Variants in CDH12 observed in about 807,000 individuals in gnomAD.
CDH12 encodes the protein cadherin 12, also known as cadherin-12.
In CDH12, 41 loss-of-function variants were observed where a neutral mutation model predicts 74.1. The ratio of observed to expected loss-of-function variants is 0.55; its 90% CI spans 0.43 to 0.72. The LOEUF is 0.72. CDH12 is among the 30% of genes least tolerant of loss of function. CDH12 has a pLI of 0.00. For synonymous variants in CDH12, 399 were observed against 355.0 expected (o/e 1.12, Z -1.39); for missense variants, 945 against 977.2 (o/e 0.97, Z 0.44).
intron 1 of CDH12, among the ~76,000 whole-genome samples, chr5:22,608,404 A>G (rs1737227435): frequency 6.6e-6 from 1 of 152,158 alleles, no homozygotes; most frequent in Admixed American, 6.5e-5. Context: ...GAACAGGTGC[A>G]TTTACCCAAT....
chr5:21,854,051 A>T (rs1277408018), intron 7 of CDH12, among the ~76,000 whole-genome samples: 1 of 151,726 alleles, frequency 6.6e-6, no homozygotes, highest in African/African-American at 2.4e-5. Context: ...AAAAGGAAAG[A>T]CAAAATATTC....
intron 2 of CDH12, among the ~76,000 whole-genome samples, chr5:22,447,728 A>G (rs1479258386): frequency 1.3e-5 from 2 of 152,116 alleles, no homozygotes; most frequent in East Asian, 3.9e-4. Flanking sequence ...TCAATTTCCC[A>G]TGTTGTAGTT....
At chr5:21,830,483 A>G (rs979256121) in intron 8 of CDH12, among the ~76,000 whole-genome samples, 12 of 152,170 alleles carry the variant, frequency 7.9e-5, no homozygotes, top group African/African-American at 2.7e-4. Context: ...AGCCAAACAG[A>G]GCCACTTTTG....
chr5:22,436,071 T>C (rs540779756), intron 2 of CDH12, among the ~76,000 whole-genome samples: 2 of 151,710 alleles, frequency 1.3e-5, no homozygotes, highest in African/African-American at 4.8e-5. Flanking sequence ...ATAAACACCA[T>C]GGAATACTAT....
chr5:22,664,550 G>A (rs1437733834), intron 1 of CDH12, among the ~76,000 whole-genome samples: 1 of 152,178 alleles, frequency 6.6e-6, no homozygotes, highest in Non-Finnish European at 1.5e-5. Context: ...TATGGGGATT[G>A]CAATTCAAGG....
chr5:21,781,849 G>A lies in CDH12; in HGVS notation c.1393+1509C>T, dbSNP rs148313156. 7.0e-4 allele frequency among the ~76,000 whole-genome samples: 107 copies of A among 152,154 alleles called. 2 individuals are homozygous for A. The East Asian group carries it at 0.019, about 27-fold the overall frequency. On this transcript the variant is annotated intron_variant, in intron 11 of 14. Transcript: ENST00000382254. ...AACTGGGAATCAGTAGCCCCACCCC[G>A]AAGGAATGAAAGTTCTGATTATGTC...
intron 6 of CDH12, among the ~76,000 whole-genome samples, chr5:21,868,538 C>T (rs1218320898): frequency 2.0e-5 from 3 of 152,162 alleles, no homozygotes; most frequent in Non-Finnish European, 2.9e-5. Context: ...ATTCTACCCC[C>T]ATGTGTGCAG....
At chr5:21,784,109 A>G (rs1288223488) in intron 10 of CDH12, among the ~76,000 whole-genome samples, 7 of 152,142 alleles carry the variant, frequency 4.6e-5, no homozygotes, top group Non-Finnish European at 4.4e-5. Context: ...GTGACTTTGG[A>G]TAATGATGTC....
intron 1 of CDH12, among the ~76,000 whole-genome samples, chr5:22,527,548 C>T (rs1408154947): frequency 6.6e-6 from 1 of 152,112 alleles, no homozygotes; most frequent in African/African-American, 2.4e-5. Context: ...GTAACCACAT[C>T]CACATTGACT....
chr5:22,796,771 C>T lies in CDH12; in HGVS notation c.-523+56287G>A, dbSNP rs1036914717. 1.1e-4 allele frequency among the ~76,000 whole-genome samples: 11 copies of T among 101,774 alleles called. 4 individuals are homozygous for T. The highest frequency in any genetic ancestry group is 5.6e-4 in the African/African-American group (11 of 19,782). 66.8% of individuals were successfully genotyped at this position (101,774 alleles called of 152,430 possible). A position where few individuals can be genotyped will look rare whatever the true frequency, so the allele number is the denominator to read the frequency against. On this transcript the variant is annotated intron_variant, in intron 1 of 14. Coordinates refer to ENST00000382254, the MANE Select transcript of CDH12 (RefSeq NM_004061.5). Reference sequence around the variant, plus strand: ...TCTTGACCTCGTGATCCGCCCGCCTCGGCCTCCCAAAGTGCTGGGATTACA... The same window carrying T: ...TCTTGACCTCGTGATCCGCCCGCCTTGGCCTCCCAAAGTGCTGGGATTACA...
intron 2 of CDH12, among the ~76,000 whole-genome samples, chr5:22,492,565 G>A (rs1402583660): frequency 2.6e-5 from 4 of 151,830 alleles, no homozygotes; most frequent in African/African-American, 7.3e-5. Flanking sequence ...CAGGCTGGTC[G>A]CAAACTCCTG....
At chr5:22,733,394 G>A (rs1358889277) in intron 1 of CDH12, among the ~76,000 whole-genome samples, 3 of 150,984 alleles carry the variant, frequency 2.0e-5, no homozygotes, top group Admixed American at 6.6e-5. Flanking sequence ...GCATTTATAT[G>A]AAGTGATCTT....
chr5:21,836,613 C>T (rs986525771), intron 8 of CDH12, among the ~76,000 whole-genome samples: 12 of 151,550 alleles, frequency 7.9e-5, no homozygotes, highest in Admixed American at 1.3e-4. Flanking sequence ...ACAGAAAAAG[C>T]GACCAACTGG....
At chr5:22,520,776 A>G (rs924270348) in intron 1 of CDH12, among the ~76,000 whole-genome samples, 5 of 152,262 alleles carry the variant, frequency 3.3e-5, no homozygotes, top group Non-Finnish European at 7.4e-5. Flanking sequence ...TTTGTATATA[A>G]CTACAAGTGT....
At chr5:22,282,141 T>G (rs530705248) in intron 3 of CDH12, among the ~76,000 whole-genome samples, 2 of 152,024 alleles carry the variant, frequency 1.3e-5, no homozygotes, top group African/African-American at 4.8e-5. Context: ...AAACAAGCAA[T>G]GGGGAAAGGA....
chr5:22,478,382 CCCT>C (rs1184505846), intron 2 of CDH12, among the ~76,000 whole-genome samples: 10 of 148,914 alleles, frequency 6.7e-5, no homozygotes, highest in Non-Finnish European at 1.5e-4. Flanking sequence ...CGCGCCACTG[CCCT>C]CCAGCCTGGG....
At chr5:21,832,869 GAT>G (rs1420610793) in intron 8 of CDH12, among the ~76,000 whole-genome samples, 4 of 45,534 alleles carry the variant, frequency 8.8e-5, no homozygotes, top group East Asian at 1.4e-3. Flanking sequence ...TATATCATAT[GAT>G]ATATGATATA....
At chr5:22,406,609 A>G (rs1742950707) in intron 2 of CDH12, among the ~76,000 whole-genome samples, 1 of 152,210 alleles carries the variant, frequency 6.6e-6, no homozygotes, top group Non-Finnish European at 1.5e-5. Flanking sequence ...AGGGTAATAG[A>G]TTTTTGAAAA....
At chr5:22,402,284 T>C (rs1307366636) in intron 3 of CDH12, among the ~76,000 whole-genome samples, 2 of 152,218 alleles carry the variant, frequency 1.3e-5, no homozygotes, top group African/African-American at 2.4e-5. Flanking sequence ...AAGAACACTG[T>C]AGAGAATGCT....
Sources: allele counts gnomAD v4.1 joint callset (sites outside exome capture counted in the v4.1 genomes callset), GRCh38; gene constraint gnomAD v4.1.1; transcripts MANE v1.5; gene names NCBI Gene and HGNC (gene_info 2026-07-23, HGNC 2026-07-21).